The following SNAPC3 variants were observed in gnomAD, a reference collection of about 807,000 sequenced individuals.
The protein encoded by SNAPC3 is snRNA-activating protein complex subunit 3.
SNAPC3 carries 56 observed loss-of-function variants against 47.7 expected under a neutral mutation model. The observed-to-expected ratio is 1.18, with a 90% CI of 0.95 to 1.47. The LOEUF is 1.47. Ranked by LOEUF, SNAPC3 falls within the 40% of genes most tolerant of loss-of-function variation. SNAPC3 has a pLI of 0.00. For missense variants in SNAPC3, 665 were observed against 511.3 expected (o/e 1.30, Z -2.90); for synonymous variants, 235 against 189.9 (o/e 1.24, Z -1.95).
chr9:15,454,419 A>T (rs1444872397), intron 7 of SNAPC3, among the ~76,000 whole-genome samples: 1 of 152,230 alleles, frequency 6.6e-6, no homozygotes, highest in African/African-American at 2.4e-5. Flanking sequence ...AATGCAACAC[A>T]GAATAGGTTA....
intron 5 of SNAPC3, among the ~76,000 whole-genome samples, chr9:15,447,903 C>A (rs542775277): frequency 1.2e-4 from 19 of 152,274 alleles, no homozygotes; most frequent in African/African-American, 4.3e-4. Context: ...CCTGCATACC[C>A]CCTGGATAAG....
chr9:15,441,931 G>C (rs978437324), intron 3 of SNAPC3, among the ~76,000 whole-genome samples: 1 of 152,082 alleles, frequency 6.6e-6, no homozygotes, highest in Admixed American at 6.5e-5. Context: ...ACGTGGTGGC[G>C]GCCGGGCAGA....
chr9:15,453,373 T>C, intron 7 of SNAPC3, 168 bp downstream of exon 7: 1 of 531,122 alleles, frequency 1.9e-6, no homozygotes, highest in South Asian at 3.1e-5. Context: ...TACCAACTCT[T>C]TCCATCCATT....
At chr9:15,446,207 T>A (rs923403031) in intron 4 of SNAPC3, among the ~76,000 whole-genome samples, 2 of 152,164 alleles carry the variant, frequency 1.3e-5, no homozygotes, top group African/African-American at 4.8e-5. Context: ...GTTGTACCCA[T>A]GGGATTTTTG....
rs556708351 is a variant in SNAPC3, at chr9:15,457,371, G to A, written c.981-589G>A. On this transcript the variant is annotated intron_variant, in intron 7 of 8. Transcript: ENST00000380821. The stretch of plus-strand genomic sequence containing the variant: ...GCACCTTGGGAGGCTGAGGTGGGAG[G>A]ATCGCTTGAGACCAGGAGTTTGAGA... 4.6e-5 allele frequency among the ~76,000 whole-genome samples: 7 copies of A among 152,264 alleles called. No individual in the cohort carries two copies. The South Asian group carries it at 1.4e-3, about 32-fold the overall frequency.
downstream of SNAPC3, chr9:15,463,910 A>C (rs2035426070): frequency 6.4e-6 from 1 of 155,736 alleles, no homozygotes; most frequent in Admixed American, 6.5e-5. Context: ...TATTACCTTT[A>C]TTTTTTATCA....
chr9:15,462,854 A>G (rs923598864), downstream of SNAPC3: 2 of 152,186 alleles, frequency 1.3e-5, no homozygotes, highest in African/African-American at 2.4e-5. Context: ...CAGGTTTGCT[A>G]TTTCCATTAG....
intron 3 of SNAPC3, among the ~76,000 whole-genome samples, chr9:15,437,761 A>C (rs1381713272): frequency 3.9e-5 from 6 of 152,148 alleles, no homozygotes; most frequent in African/African-American, 1.4e-4. Flanking sequence ...TTGTAATCAT[A>C]AAAAGTACCT....
chr9:15,452,892 T>TG (rs1256941557), intron 6 of SNAPC3, 149 bp from the exon 7 acceptor site: 2 of 574,988 alleles, frequency 3.5e-6, no homozygotes, highest in Admixed American at 6.7e-5. Context: ...TCAACATGTG[T>TG]CAAACATTTT....
intron 3 of SNAPC3, among the ~76,000 whole-genome samples, chr9:15,436,245 C>G (rs181437106): frequency 7.5e-4 from 114 of 152,354 alleles, no homozygotes; most frequent in African/African-American, 2.6e-3. Flanking sequence ...TGATGTCATA[C>G]TTAAAACATT....
intron 7 of SNAPC3, 71 bp from the exon 8 acceptor site, chr9:15,457,889 T>C (rs1172443031): frequency 2.3e-6 from 2 of 858,064 alleles, no homozygotes; most frequent in Non-Finnish European, 3.7e-6. Context: ...CACAGATATA[T>C]TTAATAGCTC....
At chr9:15,454,279 C>T (rs2034611542) in intron 7 of SNAPC3, among the ~76,000 whole-genome samples, 1 of 151,924 alleles carries the variant, frequency 6.6e-6, no homozygotes, top group African/African-American at 2.4e-5. Flanking sequence ...TCAGAAAGTC[C>T]CTGCTTCCAT....
downstream of SNAPC3, chr9:15,466,684 A>C: frequency 7.7e-7 from 1 of 1,294,284 alleles, no homozygotes; most frequent in Non-Finnish European, 1.1e-6. Context: ...ACCTTGGAAC[A>C]GAACTGTGAT....
At chr9:15,430,840 T>C (rs1428896472) in intron 2 of SNAPC3, among the ~76,000 whole-genome samples, 2 of 152,156 alleles carry the variant, frequency 1.3e-5, no homozygotes, top group East Asian at 3.9e-4. Flanking sequence ...TACATTCTAT[T>C]AAGTGAAAAA....
At chr9:15,432,679 G>A (rs1158573696) in intron 2 of SNAPC3, among the ~76,000 whole-genome samples, 1 of 152,140 alleles carries the variant, frequency 6.6e-6, no homozygotes, top group African/African-American at 2.4e-5. Context: ...CATACTAATA[G>A]AAATGATGAA....
chr9:15,447,851 T>C (rs892603926), intron 5 of SNAPC3, among the ~76,000 whole-genome samples: 3 of 152,186 alleles, frequency 2.0e-5, no homozygotes, highest in African/African-American at 7.2e-5. Context: ...TGGTCCTTGC[T>C]GGTGTTTCCC....
chr9:15,463,390 G>C (rs1439596441), downstream of SNAPC3: 1 of 150,118 alleles, frequency 6.7e-6, no homozygotes, highest in East Asian at 2.0e-4. Flanking sequence ...GCGCCCGGCT[G>C]ATGTATGACT....
chr9:15,465,454 C>T, downstream of SNAPC3: 1 of 1,343,060 alleles, frequency 7.4e-7, no homozygotes. Flanking sequence ...AAACTTTCAG[C>T]AGTCTATTTC....
At chr9:15,432,437 C>G (rs1041467640) in intron 2 of SNAPC3, among the ~76,000 whole-genome samples, 1 of 152,014 alleles carries the variant, frequency 6.6e-6, no homozygotes, top group Non-Finnish European at 1.5e-5. Context: ...GGAACTAGGG[C>G]TCTTACAAGT....
Sources: allele counts gnomAD v4.1 joint callset (sites outside exome capture counted in the v4.1 genomes callset), GRCh38; gene constraint gnomAD v4.1.1; transcripts MANE v1.5; gene names NCBI Gene and HGNC (gene_info 2026-07-23, HGNC 2026-07-21).